The following SP1 variants were observed in gnomAD, a reference collection of about 807,000 sequenced individuals.
The protein encoded by SP1 is transcription factor Sp1.
SP1 carries 6 observed loss-of-function variants against 66.3 expected under a neutral mutation model. The observed-to-expected ratio is 0.09, with a 90% CI of 0.05 to 0.18. The LOEUF (loss-of-function observed/expected upper bound fraction) is 0.18. Ranked by LOEUF, SP1 falls within the 10% of genes least tolerant of loss-of-function variation. The pLI, the probability that SP1 is intolerant of heterozygous loss-of-function variation, is 1.00. For synonymous variants in SP1, 417 were observed against 360.8 expected (o/e 1.16, Z -1.77); for missense variants, 848 against 964.5 (o/e 0.88, Z 1.60).
In SP1 at chr12:53,410,964, C is replaced by G. The variant is rs1438465617; in HGVS notation, c.2082C>G (p.Arg694=). Residue 694 remains arginine, a synonymous_variant, in exon 6 of 6, where the codon CGC becomes CGG. Transcript: ENST00000327443. ...TTGCCTGCCCTGAGTGTCCTAAGCG[C>G]TTCATGAGGAGTGACCACCTGTCAA... ...KKFACPECPK[R]FMRSDHLSKH... 2 of 1,614,168 alleles carry G rather than the reference C, an allele frequency of 1.2e-6. No individual in the cohort carries two copies. Among genetic ancestry groups the G allele is most frequent in the East Asian group, 4.5e-5 (2 of 44,882 alleles).
rs191637367 is a variant in SP1 at position 53,389,939 on chromosome 12, C to G, written c.1675+6317C>G. ...TCAGGTACTAAAAATAACAATTTCA[C>G]ATCTGCTGGGTTTTATTGGGGTCAG... On this transcript the variant is annotated intron_variant, in intron 3 of 5. Coordinates refer to ENST00000327443, the MANE Select transcript of SP1 (RefSeq NM_138473.3). 3.9e-3 allele frequency among the ~76,000 whole-genome samples: 594 copies of G among 152,260 alleles called. 3 individuals are homozygous for G. Among genetic ancestry groups the G allele is most frequent in the South Asian group, 0.011 (51 of 4,828 alleles).
At position 53,383,436 on chromosome 12, in the gene SP1, A is replaced by G; in HGVS notation, c.1489A>G (p.Ser497Gly). Residue 497 changes from serine to glycine, a missense_variant, in exon 3 of 6, where the codon AGC (serine) becomes GGC (glycine). This residue lies in a region of SP1 where 606 missense variants were observed against 589.9 expected (regional missense o/e 1.03). Coordinates refer to ENST00000327443, the MANE Select transcript of SP1 (RefSeq NM_138473.3). ...GGGTGTTTCCTTGGGGCAGACCAGC[A>G]GCAGCAACACCACTCTCACACCCAT... Reference protein sequence around the residue: ...MQGVSLGQTSSSNTTLTPIAS... With the variant: ...MQGVSLGQTSGSNTTLTPIAS... 6.2e-7 allele frequency: 1 copy of G among 1,614,240 alleles called. No homozygotes were observed. Among genetic ancestry groups the G allele is most frequent in the Non-Finnish European group, 8.5e-7 (1 of 1,180,044 alleles).
At chr12:53,392,653 G>T (rs978065854) in intron 3 of SP1, among the ~76,000 whole-genome samples, 1 of 151,562 alleles carries the variant, frequency 6.6e-6, no homozygotes, top group African/African-American at 2.4e-5. Context: ...CACCGCGCCC[G>T]GCCTAATTTT....
intron 3 of SP1, among the ~76,000 whole-genome samples, chr12:53,385,398 A>G (rs1938205628): frequency 6.6e-6 from 1 of 150,574 alleles, no homozygotes. Context: ...GATCGAGACC[A>G]TCCTGGCTAA....
intron 3 of SP1, among the ~76,000 whole-genome samples, chr12:53,404,704 G>C (rs984156468): frequency 6.6e-6 from 1 of 152,048 alleles, no homozygotes; most frequent in African/African-American, 2.4e-5. Flanking sequence ...ATCTTGTTCT[G>C]TTGGCCAGGC....
intron 3 of SP1, among the ~76,000 whole-genome samples, chr12:53,391,420 G>T (rs942376480): frequency 5.6e-5 from 8 of 142,456 alleles, no homozygotes; most frequent in African/African-American, 1.0e-4. Flanking sequence ...CACCTCCTGG[G>T]TTCAAGCGAT....
In SP1 at chr12:53,411,287, C is replaced by G. The variant is rs1345904366; in HGVS notation, c.*47C>G. 6.7e-7 allele frequency: 1 copy of G among 1,490,718 alleles called. No homozygotes were observed. The highest frequency in any genetic ancestry group is 9.2e-7 in the Non-Finnish European group (1 of 1,089,338). 92.3% of individuals were successfully genotyped at this position (1,490,718 alleles called of 1,614,324 possible). A position where few individuals can be genotyped will look rare whatever the true frequency, so the allele number is the denominator to read the frequency against. Reference sequence around the variant, plus strand: ...GACATATGGGCCATACCCCTTAACCCCGGGATGCAAGGTAGCATGGGTCCA... The same window carrying G: ...GACATATGGGCCATACCCCTTAACCGCGGGATGCAAGGTAGCATGGGTCCA... On this transcript the variant is annotated 3_prime_UTR_variant, in exon 6 of 6. Coordinates refer to ENST00000327443, the MANE Select transcript of SP1 (RefSeq NM_138473.3).
chr12:53,380,639 A>T (rs1315291800), intron 1 of SP1: 5 of 990,684 alleles, frequency 5.0e-6, no homozygotes, highest in Non-Finnish European at 3.6e-6. Context: ...CGGCCCGAGC[A>T]GCGAAGGCCC....
intron 4 of SP1, among the ~76,000 whole-genome samples, chr12:53,408,230 AGT>A (rs1299065180): frequency 2.3e-5 from 3 of 127,868 alleles, no homozygotes; most frequent in African/African-American, 8.5e-5. Context: ...TGGGCGACAG[AGT>A]GAGACTCTGT....
intron 3 of SP1, among the ~76,000 whole-genome samples, chr12:53,393,028 G>C (rs190223437): frequency 1.3e-5 from 2 of 151,334 alleles, no homozygotes; most frequent in Non-Finnish European, 2.9e-5. Context: ...GTTTCACCAT[G>C]TTGGTCACCA....
At chr12:53,388,078 T>A (rs1222927605) in intron 3 of SP1, among the ~76,000 whole-genome samples, 1 of 152,196 alleles carries the variant, frequency 6.6e-6, no homozygotes, top group Non-Finnish European at 1.5e-5. Flanking sequence ...TAAAAATGTT[T>A]TATAAACTAA....
Position 53,411,467 on chromosome 12 carries a change from C to T in SP1, c.*227C>T, listed in dbSNP as rs1479463869. ...AACATTAGTGAAAATTCTGTTGGTG[C>T]CACGCTTTGATGAGCATTTGTTTGA... On this transcript the variant is annotated 3_prime_UTR_variant, in exon 6 of 6. Coordinates refer to ENST00000327443, the MANE Select transcript of SP1 (RefSeq NM_138473.3). The T allele has an allele frequency of 4.3e-6, 2 of 468,744 alleles. No individual in the cohort carries two copies. The highest frequency in any genetic ancestry group is 2.0e-5 in the African/African-American group (1 of 50,606). 29.0% of individuals were successfully genotyped at this position (468,744 alleles called of 1,614,324 possible). A position where few individuals can be genotyped will look rare whatever the true frequency, so the allele number is the denominator to read the frequency against.
At chr12:53,380,345 G>A in intron 1 of SP1, 47 bp downstream of exon 1, 1 of 1,471,302 alleles carries the variant, frequency 6.8e-7, no homozygotes, top group South Asian at 1.3e-5. Flanking sequence ...GCGAGTGAGG[G>A]GGCGCGCGCG....
rs919324670 is a variant in SP1, at chr12:53,380,183, C to G, written c.-109C>G. On this transcript the variant is annotated 5_prime_UTR_variant, in exon 1 of 6. Coordinates refer to ENST00000327443, the MANE Select transcript of SP1 (RefSeq NM_138473.3). ...CGCTGCTCCCTCCTCCTTACCCCCC[C>G]CTCCCTGTCCGGTCCGGGTTCGCTT... 8 of 760,462 alleles carry G rather than the reference C, an allele frequency of 1.1e-5. No homozygotes were observed. Among genetic ancestry groups the G allele is most frequent in the East Asian group, 2.7e-5 (1 of 37,066 alleles). The allele number at this position is 760,462 out of a possible 1,614,324, so 47.1% of individuals were successfully genotyped here. A position where few individuals can be genotyped will look rare whatever the true frequency, so the allele number is the denominator to read the frequency against.
Position 53,382,635 on chromosome 12 carries a change from A to C in SP1, c.688A>C (p.Asn230His). The part of the protein sequence containing the change: ...SGGNIIAAMP[N>H]LLQQAVPLQG... ...AGGCAACATCATTGCTGCTATGCCA[A>C]ACCTACTCCAGCAGGCTGTCCCCCT... is the stretch of plus-strand genomic sequence containing the variant. Residue 230 changes from asparagine to histidine, a missense_variant, in exon 3 of 6, where the codon AAC (asparagine) becomes CAC (histidine). This residue lies in a region of SP1 where 606 missense variants were observed against 589.9 expected (regional missense o/e 1.03). Coordinates refer to ENST00000327443, the MANE Select transcript of SP1 (RefSeq NM_138473.3). 1 of 1,614,172 alleles carries C rather than the reference A, an allele frequency of 6.2e-7. No homozygotes were observed. The highest frequency in any genetic ancestry group is 1.3e-5 in the African/African-American group (1 of 75,046).
In SP1 at chr12:53,411,517, AC is replaced by A. The variant is rs772248421; in HGVS notation, c.*281del. 3.2e-6 allele frequency: 1 copy of A among 314,172 alleles called. No homozygotes were observed. 19.5% of individuals were successfully genotyped at this position (314,172 alleles called of 1,614,324 possible). ...ACCCCAGTTTCTTCTTACACTTCTTACCCCAGCCTACCCTTCCTGCATTTCT... is the reference window on the plus strand; with the variant it reads ...ACCCCAGTTTCTTCTTACACTTCTTACCCAGCCTACCCTTCCTGCATTTCT... On this transcript the variant is annotated 3_prime_UTR_variant, in exon 6 of 6. Coordinates refer to ENST00000327443, the MANE Select transcript of SP1 (RefSeq NM_138473.3).
chr12:53,408,239 CTG>C (rs1565818163), intron 4 of SP1, among the ~76,000 whole-genome samples: 1 of 120,394 alleles, frequency 8.3e-6, no homozygotes, highest in African/African-American at 3.0e-5. Flanking sequence ...GAGTGAGACT[CTG>C]TCTCAAAAAA....
intron 3 of SP1, among the ~76,000 whole-genome samples, chr12:53,397,302 C>T (rs575179171): frequency 2.0e-5 from 3 of 152,166 alleles, no homozygotes; most frequent in Non-Finnish European, 2.9e-5. Context: ...TGAGCCACTG[C>T]GCCTGGCCTT....
rs1010614084 is a variant in SP1, at chr12:53,412,364, A to G, written c.*1124A>G. ...TGACTCGTAGTCAGGTTCAGGAGTT[A>G]GTGGAGTATTTGGACTTTGGTACTG... On this transcript the variant is annotated 3_prime_UTR_variant, in exon 6 of 6. Transcript: ENST00000327443. The G allele has an allele frequency of 8.5e-5, 13 of 152,662 alleles. 1 individual carries two copies. Among genetic ancestry groups the G allele is most frequent in the Admixed American group, 7.2e-4 (11 of 15,278 alleles). The allele number at this position is 152,662 out of a possible 1,614,324, so 9.5% of individuals were successfully genotyped here.
Sources: allele counts gnomAD v4.1 joint callset (sites outside exome capture counted in the v4.1 genomes callset), GRCh38; gene constraint gnomAD v4.1.1; regional missense constraint gnomAD v4.1.1; transcripts MANE v1.5; gene names NCBI Gene and HGNC (gene_info 2026-07-23, HGNC 2026-07-21).